PATJ: variants seen among roughly 807,000 people sequenced by gnomAD.
The protein encoded by PATJ is inaD-like protein.
In PATJ, 190 loss-of-function variants were observed where a neutral mutation model predicts 224.9. That is an observed-to-expected ratio of 0.84 (90% confidence interval 0.75 to 0.95). The LOEUF (loss-of-function observed/expected upper bound fraction) is 0.95. Among genes scored for constraint, PATJ ranks in the 40% least tolerant of loss-of-function variants. The pLI, the probability that PATJ is intolerant of heterozygous loss-of-function variation, is 0.00. For missense variants in PATJ, 2,121 were observed against 2,270.3 expected (o/e 0.93, Z 1.34); for synonymous variants, 769 against 820.3 (o/e 0.94, Z 1.07).
chr1:61,957,537 TATA>T (rs1680608813), intron 27 of PATJ, among the ~76,000 whole-genome samples: 1 of 152,344 alleles, frequency 6.6e-6, no homozygotes. Context: ...TGAACTAATC[TATA>T]ATATGATTTA....
intron 27 of PATJ, among the ~76,000 whole-genome samples, chr1:61,933,764 G>T (rs985143586): frequency 6.6e-6 from 1 of 151,964 alleles, no homozygotes; most frequent in Non-Finnish European, 1.5e-5. Flanking sequence ...CTTCTCCAAG[G>T]CTGACCTTTT....
chr1:61,871,786 A>T (rs1267907254), intron 20 of PATJ, among the ~76,000 whole-genome samples: 1 of 148,700 alleles, frequency 6.7e-6, no homozygotes, highest in African/African-American at 2.5e-5. Context: ...CTGGTCTCAA[A>T]CTCCTGACCT....
chr1:61,893,675 GC>G (rs1484566752), intron 22 of PATJ, among the ~76,000 whole-genome samples: 1 of 151,802 alleles, frequency 6.6e-6, no homozygotes, highest in Admixed American at 6.6e-5. Flanking sequence ...GGTAGTGCAT[GC>G]CTGTGGTCCC....
At chr1:61,987,406 TA>T (rs141945212) in intron 27 of PATJ, among the ~76,000 whole-genome samples, 1 of 151,550 alleles carries the variant, frequency 6.6e-6, no homozygotes, top group Non-Finnish European at 1.5e-5. Context: ...TCTTTTTTTT[TA>T]AAAAAAAGAT....
intron 42 of PATJ, among the ~76,000 whole-genome samples, chr1:62,151,587 T>C (rs547678430): frequency 6.6e-6 from 1 of 152,106 alleles, no homozygotes; most frequent in South Asian, 2.1e-4. Flanking sequence ...CGAGACTCCG[T>C]CTCAAAAAAA....
chr1:61,818,365 A>C (rs1458726462), intron 14 of PATJ, among the ~76,000 whole-genome samples: 1 of 152,222 alleles, frequency 6.6e-6, no homozygotes, highest in Non-Finnish European at 1.5e-5. Flanking sequence ...AAAAAGCATG[A>C]CATGCGGTGT....
intron 22 of PATJ, among the ~76,000 whole-genome samples, chr1:61,885,078 C>G (rs900270736): frequency 6.6e-6 from 1 of 152,160 alleles, no homozygotes; most frequent in Non-Finnish European, 1.5e-5. Context: ...AACAATAAGG[C>G]AAGCATAGGG....
At position 61,787,977 on chromosome 1, in the gene PATJ, G is replaced by A; in HGVS notation, c.1068+5G>A. On this transcript the variant is annotated splice_donor_5th_base_variant and intron_variant, in intron 8 of 43. Transcript: ENST00000642238. ...GCCAGCAAGGGCCCTGGTTCTGTGA[G>A]TATACATATCATTCTTTCATCTTAA... The A allele has an allele frequency of 1.9e-6, 3 of 1,604,954 alleles. No homozygotes were observed. The highest frequency in any genetic ancestry group is 2.6e-6 in the Non-Finnish European group (3 of 1,173,220).
At chr1:61,956,594 C>T (rs968717403) in intron 27 of PATJ, among the ~76,000 whole-genome samples, 4 of 152,104 alleles carry the variant, frequency 2.6e-5, no homozygotes, top group Admixed American at 2.0e-4. Context: ...TCTAAGTGTT[C>T]GCTTGAGTAT....
intron 27 of PATJ, among the ~76,000 whole-genome samples, chr1:61,934,537 A>G (rs535826231): frequency 6.6e-6 from 1 of 152,342 alleles, no homozygotes; most frequent in Non-Finnish European, 1.5e-5. Context: ...TTGGATATAC[A>G]GAAGAGCCTT....
Position 61,771,520 on chromosome 1 carries a change from T to C in PATJ, c.614T>C (p.Leu205Ser), listed in dbSNP as rs1260450352. Residue 205 changes from leucine to serine, a missense_variant, in exon 6 of 44, where the codon TTA becomes TCA. Physicochemically the swap from Leu to Ser is moderately radical, Grantham distance 145. Transcript: ENST00000642238. Reference sequence around the variant, plus strand: ...ATTTCCCATCAGCAAGCAATTGCATTATTACAACAAACCACTGGATCTTTG... The same window carrying C: ...ATTTCCCATCAGCAAGCAATTGCATCATTACAACAAACCACTGGATCTTTG... ...QNISHQQAIA[L>S]LQQTTGSLRL... 1 of 1,613,206 alleles carries C rather than the reference T, an allele frequency of 6.2e-7. No individual in the cohort carries two copies. The highest frequency in any genetic ancestry group is 8.5e-7 in the Non-Finnish European group (1 of 1,179,660).
At chr1:61,812,431 A>AGTGTGT (rs1315887673) in intron 14 of PATJ, among the ~76,000 whole-genome samples, 9 of 109,032 alleles carry the variant, frequency 8.3e-5, no homozygotes, top group South Asian at 2.7e-4. Context: ...AGAGAGAGAG[A>AGTGTGT]GAGTGTGTGT....
intron 28 of PATJ, among the ~76,000 whole-genome samples, chr1:62,009,877 G>C (rs545050892): frequency 2.0e-3 from 307 of 152,064 alleles, no homozygotes; most frequent in South Asian, 7.5e-3. Context: ...AAGGTCAGGG[G>C]TTCGAGACCA....
chr1:61,796,642 C>T (rs1219403213), intron 10 of PATJ, among the ~76,000 whole-genome samples: 4 of 151,238 alleles, frequency 2.6e-5, no homozygotes, highest in Admixed American at 2.6e-4. Flanking sequence ...AAAATATATC[C>T]TAAGGTCTAA....
intron 17 of PATJ, among the ~76,000 whole-genome samples, chr1:61,849,113 G>A (rs1662417522): frequency 6.6e-6 from 1 of 152,206 alleles, no homozygotes; most frequent in South Asian, 2.1e-4. Context: ...GAACTTGTTG[G>A]TTGGTAGATT....
intron 14 of PATJ, among the ~76,000 whole-genome samples, chr1:61,820,302 T>C (rs1238067031): frequency 6.6e-6 from 1 of 152,076 alleles, no homozygotes; most frequent in East Asian, 1.9e-4. Context: ...CCTCCCAAAG[T>C]GTTGGGATTA....
At chr1:62,047,085 C>T (rs1203839444) in intron 30 of PATJ, among the ~76,000 whole-genome samples, 3 of 152,130 alleles carry the variant, frequency 2.0e-5, no homozygotes, top group Non-Finnish European at 2.9e-5. Context: ...ATTTAAGGAA[C>T]GCTTTCCTTT....
chr1:61,857,435 G>T (rs940061839), intron 18 of PATJ, among the ~76,000 whole-genome samples: 1 of 152,194 alleles, frequency 6.6e-6, no homozygotes, highest in Non-Finnish European at 1.5e-5. Context: ...GAGTTGTAAT[G>T]TGCACCCAGC....
intron 10 of PATJ, among the ~76,000 whole-genome samples, chr1:61,796,839 TC>T (rs1651421293): frequency 7.0e-6 from 1 of 142,300 alleles, no homozygotes; most frequent in African/African-American, 2.6e-5. Flanking sequence ...CCTCCCTCCC[TC>T]CTTCCTTCCG....
Sources: allele counts gnomAD v4.1 joint callset (sites outside exome capture counted in the v4.1 genomes callset), GRCh38; gene constraint gnomAD v4.1.1; transcripts MANE v1.5; gene names NCBI Gene and HGNC (gene_info 2026-07-23, HGNC 2026-07-21).